The following AGPS variants were observed in gnomAD, a reference collection of about 807,000 sequenced individuals.
The protein encoded by AGPS is alkyldihydroxyacetonephosphate synthase, peroxisomal.
A neutral mutation model predicts 90.7 loss-of-function variants in AGPS; 26 were observed. The ratio of observed to expected loss-of-function variants is 0.29; its 90% CI spans 0.21 to 0.40. The LOEUF is 0.40. Among genes scored for constraint, AGPS ranks in the 10% least tolerant of loss-of-function variants. The probability of loss-of-function intolerance (pLI) is 1.00; values close to 1 mark genes in which losing one functional copy is unlikely to be tolerated. For missense variants in AGPS, 540 were observed against 816.1 expected (o/e 0.66, Z 4.12); for synonymous variants, 294 against 285.3 (o/e 1.03, Z -0.31).
chr2:177,498,210 G>A (rs1688464242), intron 13 of AGPS, among the ~76,000 whole-genome samples: 1 of 151,658 alleles, frequency 6.6e-6, no homozygotes, highest in Admixed American at 6.6e-5. Context: ...TTACCAGGGG[G>A]AAAACAGTAC....
intron 8 of AGPS, among the ~76,000 whole-genome samples, chr2:177,456,115 T>C (rs955866190): frequency 1.2e-4 from 18 of 152,124 alleles, no homozygotes; most frequent in African/African-American, 4.3e-4. Flanking sequence ...GAGCCCAGGA[T>C]TGGAGGCTGC....
intron 17 of AGPS, among the ~76,000 whole-genome samples, chr2:177,520,466 G>A (rs1363488173): frequency 1.3e-5 from 2 of 152,162 alleles, no homozygotes; most frequent in Non-Finnish European, 2.9e-5. Flanking sequence ...AAGGAACCAG[G>A]TTTCTTGTTT....
intron 17 of AGPS, among the ~76,000 whole-genome samples, chr2:177,516,639 G>T (rs938099945): frequency 7.9e-5 from 12 of 152,118 alleles, no homozygotes; most frequent in Non-Finnish European, 1.8e-4. Flanking sequence ...TCAGTAATCT[G>T]TTCATCTACT....
At chr2:177,475,078 G>A (rs1687742052) in intron 10 of AGPS, among the ~76,000 whole-genome samples, 1 of 152,182 alleles carries the variant, frequency 6.6e-6, no homozygotes, top group Non-Finnish European at 1.5e-5. Flanking sequence ...TCTATGGACA[G>A]ATAAGAGCAA....
intron 10 of AGPS, among the ~76,000 whole-genome samples, chr2:177,475,669 G>A (rs528482058): frequency 1.1e-4 from 16 of 152,000 alleles, no homozygotes; most frequent in African/African-American, 3.4e-4. Context: ...ATATTCCACC[G>A]CATGCATATT....
chr2:177,436,806 G>A lies in AGPS; in HGVS notation c.484G>A (p.Glu162Lys), dbSNP rs1686425333. 1 of 1,610,956 alleles carries A rather than the reference G, an allele frequency of 6.2e-7. No individual in the cohort carries two copies. The highest frequency in any genetic ancestry group is 1.3e-5 in the African/African-American group (1 of 74,840). Residue 162 changes from glutamate to lysine, a missense_variant, in exon 4 of 20, where the codon GAA becomes AAA. Glu to Lys is a moderately conservative substitution (Grantham distance 56). This residue lies in a region of AGPS where 405 missense variants were observed against 692.1 expected (regional missense o/e 0.59). Transcript: ENST00000264167. ...TGATACACCTCCTTCTGTTGTAAAT[G>A]AAGATTTTCTTCATGACCTTAAAGA... ...PSDTPPSVVN[E>K]DFLHDLKETN... is the part of the protein sequence containing the mutation.
In AGPS at chr2:177,413,674, T is replaced by A. The variant is rs138553676; in HGVS notation, c.261-6595T>A. Among the ~76,000 whole-genome samples, 458 of 152,314 alleles carry A rather than the reference T, an allele frequency of 3.0e-3. 3 individuals carry two copies. Among genetic ancestry groups the A allele is most frequent in the African/African-American group, 0.011 (439 of 41,572 alleles). ...CTCTTTGTCCTTTGCTATGACAACC[T>A]CCTGATGCAGATTTGGATTGTTTTC... On this transcript the variant is annotated intron_variant, in intron 1 of 19. Transcript: ENST00000264167.
chr2:177,460,740 A>G (rs888024451), intron 8 of AGPS, among the ~76,000 whole-genome samples: 1 of 152,192 alleles, frequency 6.6e-6, no homozygotes, highest in South Asian at 2.1e-4. Context: ...GATAATCTTC[A>G]TTTTAACCTC....
chr2:177,417,649 G>A (rs1441150165), intron 1 of AGPS, among the ~76,000 whole-genome samples: 1 of 152,200 alleles, frequency 6.6e-6, no homozygotes, highest in African/African-American at 2.4e-5. Context: ...AACTAACTTA[G>A]CTGCGTGACC....
In AGPS at chr2:177,413,384, G is replaced by A. The variant is rs569118391; in HGVS notation, c.261-6885G>A. Among the ~76,000 whole-genome samples the A allele has an allele frequency of 3.9e-5, 6 of 152,314 alleles. No individual in the cohort carries two copies. The South Asian group carries it at 1.2e-3, about 32-fold the overall frequency. On this transcript the variant is annotated intron_variant, in intron 1 of 19. Coordinates refer to ENST00000264167, the MANE Select transcript of AGPS (RefSeq NM_003659.4). ...TTTTGTAGTTTCTACAGAAATGCAA[G>A]GCTCTACCAGAAATGGCTTTGGTCA...
chr2:177,495,023 T>G (rs1294978392), intron 12 of AGPS, among the ~76,000 whole-genome samples: 2 of 152,192 alleles, frequency 1.3e-5, no homozygotes, highest in African/African-American at 4.8e-5. Context: ...TATTATTAGT[T>G]GTTAATATTT....
chr2:177,450,201 C>T (rs1424928739), intron 8 of AGPS, among the ~76,000 whole-genome samples: 1 of 152,072 alleles, frequency 6.6e-6, no homozygotes, highest in African/African-American at 2.4e-5. Context: ...TTTATTTATT[C>T]TGGGAATAAG....
Position 177,440,984 on chromosome 2 carries a change from T to C in AGPS, c.657T>C (p.Val219=). 6.2e-7 allele frequency: 1 copy of C among 1,612,978 alleles called. No homozygotes were observed. Among genetic ancestry groups the C allele is most frequent in the Non-Finnish European group, 8.5e-7 (1 of 1,179,276 alleles). ...CAACAGCATGCCATGATGATGTAGT[T>C]AAGATTGTGAATCTAGCTTGCAAAT... ...VLWPTCHDDV[V]KIVNLACKYN... The change falls in exon 6 of 20, where the codon GTT becomes GTC. Residue 219 remains valine (V), a synonymous_variant. Transcript: ENST00000264167.
chr2:177,398,071 G>C (rs984025152), intron 1 of AGPS, among the ~76,000 whole-genome samples: 2 of 152,240 alleles, frequency 1.3e-5, no homozygotes, highest in African/African-American at 4.8e-5. Context: ...TTTAACATCT[G>C]CCGGAAGCTT....
At chr2:177,473,295 G>T (rs1313230674) in intron 10 of AGPS, among the ~76,000 whole-genome samples, 1 of 152,138 alleles carries the variant, frequency 6.6e-6, no homozygotes, top group African/African-American at 2.4e-5. Flanking sequence ...ATAATCAAAT[G>T]CCTGCTGTGC....
At chr2:177,513,507 C>T (rs553940562) in intron 16 of AGPS, among the ~76,000 whole-genome samples, 1 of 152,242 alleles carries the variant, frequency 6.6e-6, no homozygotes, top group East Asian at 1.9e-4. Context: ...CTCTTAAAAT[C>T]TTATAATCAA....
intron 2 of AGPS, among the ~76,000 whole-genome samples, chr2:177,426,153 A>G (rs1176605161): frequency 6.6e-6 from 1 of 152,148 alleles, no homozygotes; most frequent in African/African-American, 2.4e-5. Context: ...TCTTTGTAGC[A>G]ATTGTGAATG....
chr2:177,442,107 C>T (rs554737106), intron 6 of AGPS, among the ~76,000 whole-genome samples: 10 of 152,204 alleles, frequency 6.6e-5, no homozygotes, highest in Non-Finnish European at 1.3e-4. Flanking sequence ...CTTTTCTAAT[C>T]ATGTTTTTGG....
intron 16 of AGPS, 67 bp from the exon 17 acceptor site, chr2:177,513,752 A>G: frequency 8.4e-7 from 1 of 1,187,812 alleles, no homozygotes; most frequent in Non-Finnish European, 1.3e-6. Flanking sequence ...AGATTAACCA[A>G]CGTTTATTAG....
Sources: gnomAD v4.1 joint callset for allele counts (sites outside exome capture counted in the v4.1 genomes callset) on GRCh38, gnomAD v4.1.1 for gene constraint, gnomAD v4.1.1 regional missense constraint, MANE v1.5 for transcripts, NCBI Gene and HGNC (gene_info 2026-07-23, HGNC 2026-07-21) for gene names.